PDE12: variants seen among roughly 807,000 people sequenced by gnomAD.
The protein encoded by PDE12 is 2',5'-phosphodiesterase 12.
A neutral mutation model predicts 45.4 loss-of-function variants in PDE12; 26 were observed. The ratio of observed to expected loss-of-function variants is 0.57; its 90% confidence interval spans 0.42 to 0.79. The LOEUF (loss-of-function observed/expected upper bound fraction) is 0.79. PDE12 is among the 30% of genes least tolerant of loss of function. The pLI is 0.00. For missense variants in PDE12, 668 were observed against 790.0 expected (o/e 0.85, Z 1.85); for synonymous variants, 283 against 323.9 (o/e 0.87, Z 1.36).
the PDE12 span, among the ~76,000 whole-genome samples, chr3:57,648,277 G>A: frequency 6.6e-6 from 1 of 151,922 alleles, no homozygotes; most frequent in Non-Finnish European, 1.5e-5. Flanking sequence ...AAAATACTAA[G>A]GAATATACTT....
At chr3:57,630,851 G>A in the PDE12 span, 1 of 1,610,374 alleles carries the variant, frequency 6.2e-7, no homozygotes. Context: ...ATAATATTTA[G>A]AAATTAGGAG....
At chr3:57,628,215 C>A in the PDE12 span, 1 of 1,610,744 alleles carries the variant, frequency 6.2e-7, no homozygotes, top group Non-Finnish European at 8.5e-7. Context: ...TGGCAAATAT[C>A]ATGTCATGCC....
At chr3:57,601,486 ATAATG>A in the PDE12 span, among the ~76,000 whole-genome samples, 764 of 152,218 alleles carry the variant, frequency 5.0e-3, 4 homozygotes, top group African/African-American at 0.017. Context: ...CTTGGGTTTA[ATAATG>A]TACAGACAGC....
chr3:57,640,573 G>A, the PDE12 span, among the ~76,000 whole-genome samples: 1 of 152,150 alleles, frequency 6.6e-6, no homozygotes, highest in Non-Finnish European at 1.5e-5. Flanking sequence ...GTGAGACTCT[G>A]TCACATAAAT....
chr3:57,573,394 T>C, the PDE12 span, among the ~76,000 whole-genome samples: 1 of 152,120 alleles, frequency 6.6e-6, no homozygotes, highest in African/African-American at 2.4e-5. Context: ...ATTTAAGGCA[T>C]AGTTTACTTT....
chr3:57,612,461 C>T, the PDE12 span, among the ~76,000 whole-genome samples: 1 of 152,144 alleles, frequency 6.6e-6, no homozygotes, highest in African/African-American at 2.4e-5. Context: ...AATAATCACT[C>T]AAAAGAGATA....
the PDE12 span, among the ~76,000 whole-genome samples, chr3:57,636,628 G>T: frequency 6.6e-6 from 1 of 152,078 alleles, no homozygotes; most frequent in Non-Finnish European, 1.5e-5. Context: ...TAACAGTTAA[G>T]CCAACTTGTA....
rs777431050 is a variant in PDE12, at chr3:57,557,297, G to A, written c.918G>A (p.Thr306=). Residue 306 remains threonine (T), a synonymous_variant, in exon 1 of 3, where the codon ACG becomes ACA. Transcript: ENST00000311180. ...TCTCTTACAACATCCTGGCAGACAC[G>A]TACGCGCAGACTGAGTTCTCGCGAA... ...RTVSYNILAD[T]YAQTEFSRTV... is the part of the protein sequence containing the mutation. 5 of 1,613,890 alleles carry A rather than the reference G, an allele frequency of 3.1e-6. No individual in the cohort carries two copies. The highest frequency in any genetic ancestry group is 4.2e-6 in the Non-Finnish European group (5 of 1,180,026).
At chr3:57,630,518 A>G in the PDE12 span, 2 of 1,586,516 alleles carry the variant, frequency 1.3e-6, no homozygotes, top group Non-Finnish European at 1.7e-6. Context: ...AGACTTTAGG[A>G]AATGCCTATA....
chr3:57,654,763 C>A, the PDE12 span: 5 of 985,258 alleles, frequency 5.1e-6, no homozygotes, highest in Non-Finnish European at 6.0e-6. Context: ...TCAACTGTAT[C>A]TCTGCTACTC....
the PDE12 span, among the ~76,000 whole-genome samples, chr3:57,631,830 C>T: frequency 1.4e-5 from 2 of 143,020 alleles, no homozygotes; most frequent in Non-Finnish European, 3.0e-5. Flanking sequence ...TCATGCCATT[C>T]TCCTGCCTCA....
At chr3:57,570,962 C>T (rs1217748106), downstream of PDE12, among the ~76,000 whole-genome samples, 4 of 151,926 alleles carry the variant, frequency 2.6e-5, no homozygotes, top group Non-Finnish European at 5.9e-5. Context: ...GCCGCCCCTC[C>T]CCACCCCCCA....
the PDE12 span, among the ~76,000 whole-genome samples, chr3:57,647,234 T>C: frequency 6.6e-6 from 1 of 152,074 alleles, no homozygotes; most frequent in Non-Finnish European, 1.5e-5. Flanking sequence ...AATTATGAGA[T>C]GGAAATTAGG....
chr3:57,611,954 C>T, the PDE12 span, among the ~76,000 whole-genome samples: 40 of 152,062 alleles, frequency 2.6e-4, no homozygotes, highest in South Asian at 1.9e-3. Context: ...ATGTTTATCG[C>T]GGCACTATTC....
chr3:57,593,935 A>C, the PDE12 span, among the ~76,000 whole-genome samples: 2 of 152,178 alleles, frequency 1.3e-5, no homozygotes, highest in African/African-American at 4.8e-5. Context: ...AGGAAAAAAA[A>C]CATAATTATT....
the PDE12 span, among the ~76,000 whole-genome samples, chr3:57,593,518 G>A: frequency 6.6e-6 from 1 of 152,056 alleles, no homozygotes; most frequent in Non-Finnish European, 1.5e-5. Flanking sequence ...AGACAATACA[G>A]AACTACACTG....
the PDE12 span, among the ~76,000 whole-genome samples, chr3:57,624,984 C>T: frequency 6.6e-6 from 1 of 152,056 alleles, no homozygotes; most frequent in Non-Finnish European, 1.5e-5. Context: ...ACTGCAGCCT[C>T]AATCTCCTAG....
the PDE12 span, among the ~76,000 whole-genome samples, chr3:57,618,149 G>C: frequency 3.3e-5 from 5 of 152,110 alleles, no homozygotes; most frequent in African/African-American, 9.7e-5. Flanking sequence ...GAGGAAGGGA[G>C]GGAGGCAACA....
At chr3:57,631,716 C>CTTTTTTT in the PDE12 span, among the ~76,000 whole-genome samples, 9 of 92,012 alleles carry the variant, frequency 9.8e-5, no homozygotes, top group South Asian at 3.9e-4. Flanking sequence ...TCTCTGCTCT[C>CTTTTTTT]TTTTTTTTTT....
Sources: allele counts gnomAD v4.1 joint callset (sites outside exome capture counted in the v4.1 genomes callset), GRCh38; gene constraint gnomAD v4.1.1; transcripts MANE v1.5; gene names NCBI Gene and HGNC (gene_info 2026-07-23, HGNC 2026-07-21).